The following FGF14 variants were observed in gnomAD, a reference collection of about 807,000 sequenced individuals.
FGF14 encodes the protein fibroblast growth factor 14.
Under a neutral mutation model 25.5 loss-of-function variants are expected in FGF14, and 5 were observed. The ratio of observed to expected loss-of-function variants is 0.20; its 90% CI spans 0.10 to 0.41. The LOEUF (loss-of-function observed/expected upper bound fraction) is 0.41, where lower values mean the gene tolerates loss of function less well. Ranked by LOEUF, FGF14 falls within the 10% of genes least tolerant of loss-of-function variation. The pLI, the probability that FGF14 is intolerant of heterozygous loss-of-function variation, is 1.00. For synonymous variants in FGF14, 138 were observed against 118.3 expected, an observed-to-expected ratio of 1.17 and a Z score of -1.08; for missense variants, 222 against 320.1, an observed-to-expected ratio of 0.69 and a Z score of 2.34.
At chr13:101,943,812 T>TA (rs58741547) in intron 1 of FGF14, among the ~76,000 whole-genome samples, 81 of 134,246 alleles carry the variant, frequency 6.0e-4, no homozygotes, top group Middle Eastern at 7.5e-3. Flanking sequence ...TGTCTCTACT[T>TA]AAAAAAAAAA....
chr13:102,368,278 A>C (rs2057775918), intron 1 of FGF14, among the ~76,000 whole-genome samples: 1 of 152,234 alleles, frequency 6.6e-6, no homozygotes, highest in Non-Finnish European at 1.5e-5. Context: ...CACAGTACCT[A>C]CATGATAGGG....
chr13:102,317,193 C>T (rs558778080), intron 1 of FGF14, among the ~76,000 whole-genome samples: 1 of 152,250 alleles, frequency 6.6e-6, no homozygotes, highest in East Asian at 1.9e-4. Context: ...CAGTCACTAG[C>T]TTTGTGAGAA....
chr13:101,783,602 A>C (rs2039642485), intron 3 of FGF14, among the ~76,000 whole-genome samples: 2 of 152,252 alleles, frequency 1.3e-5, no homozygotes, highest in South Asian at 4.2e-4. Flanking sequence ...GTTTACAAAA[A>C]TTATCTCCCA....
At chr13:102,237,357 T>C (rs2051374799) in intron 1 of FGF14, among the ~76,000 whole-genome samples, 2 of 152,194 alleles carry the variant, frequency 1.3e-5, no homozygotes, top group African/African-American at 4.8e-5. Flanking sequence ...GAGCCGGGTA[T>C]GTCTTTCTCC....
At chr13:102,395,562 C>T (rs1259525511) in intron 1 of FGF14, 2 of 152,172 alleles carry the variant, frequency 1.3e-5, no homozygotes, top group African/African-American at 4.8e-5. Context: ...TAGCCAAATT[C>T]TTGGTTGGCG....
intron 1 of FGF14, among the ~76,000 whole-genome samples, chr13:102,054,443 C>G (rs1468775452): frequency 6.6e-6 from 1 of 152,092 alleles, no homozygotes. Flanking sequence ...GGCCATCTCC[C>G]CTATAAGACA....
intron 1 of FGF14, among the ~76,000 whole-genome samples, chr13:102,171,184 T>G (rs1373400406): frequency 3.9e-5 from 6 of 152,142 alleles, no homozygotes; most frequent in Non-Finnish European, 7.4e-5. Flanking sequence ...AACGTATTGA[T>G]CGATCCCGCA....
chr13:102,331,184 C>A (rs545454131), intron 1 of FGF14, among the ~76,000 whole-genome samples: 1 of 152,074 alleles, frequency 6.6e-6, no homozygotes. Flanking sequence ...AGAAAACAAC[C>A]AACAAATGAA....
At chr13:102,236,856 T>C (rs1272588661) in intron 1 of FGF14, among the ~76,000 whole-genome samples, 1 of 152,144 alleles carries the variant, frequency 6.6e-6, no homozygotes, top group African/African-American at 2.4e-5. Context: ...CCTTCACTCA[T>C]GCCGAAGTGA....
At chr13:101,831,469 G>A (rs1034185709) in intron 3 of FGF14, among the ~76,000 whole-genome samples, 16 of 151,918 alleles carry the variant, frequency 1.1e-4, no homozygotes, top group African/African-American at 3.6e-4. Flanking sequence ...AATATTTCCT[G>A]TTGTGGAAAA....
chr13:102,055,242 G>A (rs1204484840), intron 1 of FGF14, among the ~76,000 whole-genome samples: 1 of 152,156 alleles, frequency 6.6e-6, no homozygotes, highest in Non-Finnish European at 1.5e-5. Flanking sequence ...AATACATGCT[G>A]AGGCTCTTTT....
chr13:101,796,909 T>A (rs1318321540), intron 3 of FGF14, among the ~76,000 whole-genome samples: 1 of 152,084 alleles, frequency 6.6e-6, no homozygotes, highest in Non-Finnish European at 1.5e-5. Context: ...CTACTTTCTA[T>A]GTCCAGATTA....
At chr13:101,884,878 C>T (rs2045913762) in intron 1 of FGF14, among the ~76,000 whole-genome samples, 2 of 152,030 alleles carry the variant, frequency 1.3e-5, no homozygotes, top group African/African-American at 2.4e-5. Context: ...TACACACACA[C>T]ACACACACAC....
chr13:102,269,249 A>C (rs962475093), intron 1 of FGF14, among the ~76,000 whole-genome samples: 5 of 152,208 alleles, frequency 3.3e-5, no homozygotes, highest in Non-Finnish European at 1.5e-5. Flanking sequence ...TATATCACAA[A>C]TTTCACAATC....
intron 1 of FGF14, among the ~76,000 whole-genome samples, chr13:102,085,554 T>G (rs751096396): frequency 3.3e-5 from 5 of 152,222 alleles, no homozygotes; most frequent in Non-Finnish European, 5.9e-5. Context: ...TAAGGCAATA[T>G]TTAACAATGG....
At chr13:101,994,486 G>A (rs2039076763) in intron 1 of FGF14, among the ~76,000 whole-genome samples, 1 of 151,910 alleles carries the variant, frequency 6.6e-6, no homozygotes, top group Non-Finnish European at 1.5e-5. Context: ...CAAATAACAA[G>A]ACTTTTTGTG....
At chr13:101,968,673 CAAA>C (rs11410391) in intron 1 of FGF14, among the ~76,000 whole-genome samples, 4 of 79,042 alleles carry the variant, frequency 5.1e-5, no homozygotes, top group Admixed American at 1.6e-4. Context: ...ACTCCGTCTC[CAAA>C]AAAAAAAAAA....
intron 1 of FGF14, among the ~76,000 whole-genome samples, chr13:101,907,267 C>A (rs1306942802): frequency 6.6e-6 from 1 of 152,108 alleles, no homozygotes; most frequent in Non-Finnish European, 1.5e-5. Flanking sequence ...CGAATACCAA[C>A]TGAGTACTAT....
chr13:101,823,292 C>T (rs1453908024), intron 3 of FGF14, among the ~76,000 whole-genome samples: 1 of 151,072 alleles, frequency 6.6e-6, no homozygotes, highest in Non-Finnish European at 1.5e-5. Flanking sequence ...TTCAAAGGAG[C>T]TGTTCTTCGT....
Sources: gnomAD v4.1 joint callset for allele counts (sites outside exome capture counted in the v4.1 genomes callset) on GRCh38, gnomAD v4.1.1 for gene constraint, MANE v1.5 for transcripts, NCBI Gene and HGNC (gene_info 2026-07-23, HGNC 2026-07-21) for gene names.